DLGAP4: variants seen among roughly 807,000 people sequenced by gnomAD.
The protein encoded by DLGAP4 is disks large-associated protein 4.
A neutral mutation model predicts 86.9 loss-of-function variants in DLGAP4; 18 were observed. The observed-to-expected ratio is 0.21, with a 90% confidence interval of 0.14 to 0.31. The LOEUF is 0.31. DLGAP4 is among the 10% of genes least tolerant of loss of function. DLGAP4 has a pLI of 1.00. For missense variants in DLGAP4, 1,085 were observed against 1,362.6 expected (o/e 0.80, Z 3.21); for synonymous variants, 548 against 574.3 (o/e 0.95, Z 0.65).
intron 3 of DLGAP4, 124 bp from the exon 4 acceptor site, chr20:36,435,985 G>C (rs974487594): frequency 1.3e-5 from 18 of 1,388,170 alleles, no homozygotes; most frequent in Non-Finnish European, 1.7e-5. Context: ...TCAAAGGCGG[G>C]AAACCCAGCA....
intron 10 of DLGAP4, among the ~76,000 whole-genome samples, chr20:36,513,166 T>C (rs1410066648): frequency 6.6e-6 from 1 of 151,582 alleles, no homozygotes; most frequent in African/African-American, 2.4e-5. Flanking sequence ...TCAAGTCATC[T>C]GCCCATCAGA....
intron 1 of DLGAP4, among the ~76,000 whole-genome samples, chr20:36,351,032 C>A (rs1180281666): frequency 6.6e-6 from 1 of 152,274 alleles, no homozygotes; most frequent in Non-Finnish European, 1.5e-5. Context: ...GCCGCCTGCC[C>A]TCCGGCGAGT....
At chr20:36,409,379 A>T (rs116434652) in intron 2 of DLGAP4, among the ~76,000 whole-genome samples, 4,811 of 147,624 alleles carry the variant, frequency 0.033, 247 homozygotes, top group African/African-American at 0.11. Flanking sequence ...AAAGTAAAAT[A>T]AAAAAAATTT....
At chr20:36,400,261 C>T (rs2032118397) in intron 2 of DLGAP4, among the ~76,000 whole-genome samples, 1 of 152,192 alleles carries the variant, frequency 6.6e-6, no homozygotes, top group Admixed American at 6.5e-5. Context: ...GAAGGATCAT[C>T]CCCTCTAGCT....
chr20:36,315,652 CAAGT>C (rs1210469410), intron 1 of DLGAP4, among the ~76,000 whole-genome samples: 41 of 152,224 alleles, frequency 2.7e-4, no homozygotes, highest in African/African-American at 9.4e-4. Context: ...GGCCCTGCAG[CAAGT>C]AAGAGTGGGG....
intron 3 of DLGAP4, among the ~76,000 whole-genome samples, chr20:36,435,131 G>T (rs2033236770): frequency 6.6e-6 from 1 of 152,032 alleles, no homozygotes; most frequent in Admixed American, 6.6e-5. Flanking sequence ...TTGGTGAGGT[G>T]TGTGGTACAC....
At chr20:36,489,117 A>G (rs899513295) in intron 7 of DLGAP4, among the ~76,000 whole-genome samples, 2 of 152,202 alleles carry the variant, frequency 1.3e-5, no homozygotes, top group African/African-American at 4.8e-5. Context: ...GCGAAAGGAC[A>G]CTTGTTTACA....
At chr20:36,441,284 T>A (rs926709332) in intron 5 of DLGAP4, among the ~76,000 whole-genome samples, 3 of 152,264 alleles carry the variant, frequency 2.0e-5, no homozygotes, top group East Asian at 3.9e-4. Context: ...TATATACGAG[T>A]GTGCCATGTC....
At chr20:36,514,508 T>G (rs2036922328) in intron 10 of DLGAP4, among the ~76,000 whole-genome samples, 1 of 152,084 alleles carries the variant, frequency 6.6e-6, no homozygotes, top group Non-Finnish European at 1.5e-5. Context: ...ACTCCTGGGC[T>G]CCACTGATCC....
chr20:36,380,328 TG>T (rs2031327392), intron 2 of DLGAP4, among the ~76,000 whole-genome samples: 1 of 151,924 alleles, frequency 6.6e-6, no homozygotes, highest in Admixed American at 6.6e-5. Context: ...GAGGATCACT[TG>T]AGCCCAGGAG....
At chr20:36,367,856 C>T (rs2030750732) in intron 2 of DLGAP4, among the ~76,000 whole-genome samples, 3 of 152,216 alleles carry the variant, frequency 2.0e-5, no homozygotes, top group Admixed American at 2.0e-4. Flanking sequence ...ACCACTTCAC[C>T]ATGCTGCTTG....
At chr20:36,321,202 A>G (rs797039298) in intron 1 of DLGAP4, among the ~76,000 whole-genome samples, 10 of 152,304 alleles carry the variant, frequency 6.6e-5, no homozygotes, top group African/African-American at 2.4e-4. Context: ...CCGTTGGTTA[A>G]GTGAGAGTGA....
At chr20:36,437,037 T>G (rs2033306861) in intron 4 of DLGAP4, among the ~76,000 whole-genome samples, 1 of 152,116 alleles carries the variant, frequency 6.6e-6, no homozygotes, top group Non-Finnish European at 1.5e-5. Flanking sequence ...TTCCTCCCAT[T>G]CGGCTGTTCC....
intron 7 of DLGAP4, among the ~76,000 whole-genome samples, chr20:36,474,770 G>C (rs2034834643): frequency 6.6e-6 from 1 of 152,112 alleles, no homozygotes; most frequent in Non-Finnish European, 1.5e-5. Flanking sequence ...GCAGGGATTG[G>C]GCTCCTCCCT....
chr20:36,316,343 C>A (rs1173767565), intron 1 of DLGAP4, among the ~76,000 whole-genome samples: 1 of 152,080 alleles, frequency 6.6e-6, no homozygotes, highest in Non-Finnish European at 1.5e-5. Flanking sequence ...ACACCCCACC[C>A]GCAGCTCACC....
chr20:36,358,693 A>T (rs1243360396), intron 1 of DLGAP4, among the ~76,000 whole-genome samples: 1 of 152,176 alleles, frequency 6.6e-6, no homozygotes, highest in Non-Finnish European at 1.5e-5. Context: ...CTGTAGTCCC[A>T]GCTACTCGGG....
At chr20:36,510,592 C>G (rs955623838) in intron 10 of DLGAP4, among the ~76,000 whole-genome samples, 44 of 149,866 alleles carry the variant, frequency 2.9e-4, no homozygotes, top group Non-Finnish European at 1.5e-5. Context: ...TGTATTTCTA[C>G]TAGAGATGGG....
intron 6 of DLGAP4, among the ~76,000 whole-genome samples, chr20:36,444,807 A>G (rs560054946): frequency 8.1e-4 from 123 of 151,380 alleles, no homozygotes; most frequent in African/African-American, 2.7e-3. Flanking sequence ...CGCTCGGCCA[A>G]TTTTGGGATT....
At chr20:36,519,463 G>A (rs541964473) in intron 10 of DLGAP4, among the ~76,000 whole-genome samples, 2 of 152,298 alleles carry the variant, frequency 1.3e-5, no homozygotes, top group Non-Finnish European at 2.9e-5. Flanking sequence ...TGTACACACA[G>A]ATTTTCTTTT....
Sources: gnomAD v4.1 joint callset for allele counts (sites outside exome capture counted in the v4.1 genomes callset) on GRCh38, gnomAD v4.1.1 for gene constraint, MANE v1.5 for transcripts, NCBI Gene and HGNC (gene_info 2026-07-23, HGNC 2026-07-21) for gene names.